IL19: variants seen among roughly 807,000 people sequenced by gnomAD.
IL19 encodes the protein interleukin 19.
IL19 carries 15 observed loss-of-function variants against 19.5 expected under a neutral mutation model. That is an observed-to-expected ratio of 0.77 (90% confidence interval 0.52 to 1.19). The LOEUF (loss-of-function observed/expected upper bound fraction) is 1.19. Ranked by LOEUF, IL19 falls within the 50% of genes most tolerant of loss-of-function variation. IL19 has a pLI of 0.00. For missense variants in IL19, 199 were observed against 213.1 expected, an observed-to-expected ratio of 0.93 and a Z score of 0.41; for synonymous variants, 78 against 78.3, an observed-to-expected ratio of 1.00 and a Z score of 0.02.
chr1:206,789,845 G>C (rs972100600), intron 1 of IL19, among the ~76,000 whole-genome samples: 1 of 152,266 alleles, frequency 6.6e-6, no homozygotes, highest in Admixed American at 6.5e-5. Flanking sequence ...TTCTGTTCCT[G>C]TGTTAGTTTG....
intron 1 of IL19, among the ~76,000 whole-genome samples, chr1:206,791,301 GTTT>G (rs11297961): frequency 1.4e-4 from 18 of 131,716 alleles, no homozygotes; most frequent in Admixed American, 3.7e-4. Context: ...AGGTCCTTAG[GTTT>G]TTTTTTTTTT....
intron 2 of IL19, among the ~76,000 whole-genome samples, chr1:206,803,829 A>G (rs1468572521): frequency 6.6e-6 from 1 of 152,188 alleles, no homozygotes; most frequent in Non-Finnish European, 1.5e-5. Context: ...AGAGATGCCC[A>G]GGCTTCATCC....
intron 1 of IL19, among the ~76,000 whole-genome samples, chr1:206,796,460 C>T (rs760327123): frequency 6.6e-6 from 1 of 152,158 alleles, no homozygotes; most frequent in Non-Finnish European, 1.5e-5. Flanking sequence ...TTTCACTTAC[C>T]ATTGTTTTTC....
At chr1:206,793,783 C>T (rs1201318786) in intron 1 of IL19, among the ~76,000 whole-genome samples, 5 of 152,200 alleles carry the variant, frequency 3.3e-5, no homozygotes, top group African/African-American at 7.2e-5. Context: ...AGTCATAGTT[C>T]GAGTGCTTGT....
At position 206,777,230 on chromosome 1, in the gene IL19, CAA is replaced by C. The variant is rs750939092; in HGVS notation, c.-149+6177_-149+6178del. ...TGGGCGACAGAGCGAGACTCCGTCTCAAAAAAAAAAAAAAAAAAAAAAAAAAT... is the reference window on the plus strand; with the variant it reads ...TGGGCGACAGAGCGAGACTCCGTCTCAAAAAAAAAAAAAAAAAAAAAAAAT... On this transcript the variant is annotated intron_variant, in intron 1 of 6. Transcript: ENST00000659997. 7.8e-3 allele frequency among the ~76,000 whole-genome samples: 48 copies of C among 6,174 alleles called. 2 individuals are homozygous for C. The highest frequency in any genetic ancestry group is 0.017 in the East Asian group (3 of 174). The allele number at this position is 6,174 out of a possible 152,430, so 4.1% of individuals were successfully genotyped here.
intron 5 of IL19, 138 bp downstream of exon 5, chr1:206,840,140 TGTGGAGAACC>T: frequency 5.2e-6 from 5 of 968,412 alleles, no homozygotes; most frequent in South Asian, 1.3e-5. Context: ...CAGGGAGAAC[TGTGGAGAACC>T]TCTCCCAGTG....
At chr1:206,791,077 T>C (rs1168454638) in intron 1 of IL19, among the ~76,000 whole-genome samples, 3 of 152,194 alleles carry the variant, frequency 2.0e-5, no homozygotes, top group Non-Finnish European at 4.4e-5. Context: ...CTGATCAAGA[T>C]ACGAAGATGG....
At chr1:206,795,621 A>T (rs991663387) in intron 1 of IL19, among the ~76,000 whole-genome samples, 2 of 152,128 alleles carry the variant, frequency 1.3e-5, no homozygotes, top group Admixed American at 6.5e-5. Context: ...CTTCTTCCTC[A>T]TTCTATGGAT....
chr1:206,830,825 C>A (rs1467646480), intron 2 of IL19, among the ~76,000 whole-genome samples: 1 of 152,318 alleles, frequency 6.6e-6, no homozygotes, highest in East Asian at 1.9e-4. Context: ...GATCCGCCCG[C>A]CTTGGCCTCC....
At chr1:206,805,914 A>G (rs1675833123) in intron 2 of IL19, among the ~76,000 whole-genome samples, 1 of 152,242 alleles carries the variant, frequency 6.6e-6, no homozygotes, top group African/African-American at 2.4e-5. Context: ...CACTTAATGA[A>G]GTCCAAGGGT....
chr1:206,812,321 T>C (rs1377403634), intron 2 of IL19, among the ~76,000 whole-genome samples: 2 of 152,204 alleles, frequency 1.3e-5, no homozygotes, highest in Non-Finnish European at 2.9e-5. Context: ...CTCTGTTGGT[T>C]TGGAGTCTTG....
intron 4 of IL19, 31 bp downstream of exon 4, chr1:206,837,054 T>C: frequency 6.4e-7 from 1 of 1,552,580 alleles, no homozygotes; most frequent in Non-Finnish European, 8.9e-7. Flanking sequence ...TTTCCAGTAT[T>C]TTTATCTTCA....
At chr1:206,836,100 G>C (rs1676785605) in intron 2 of IL19, among the ~76,000 whole-genome samples, 1 of 152,120 alleles carries the variant, frequency 6.6e-6, no homozygotes, top group Non-Finnish European at 1.5e-5. Flanking sequence ...GATGCCTTGT[G>C]CCTCCCTTTC....
intron 2 of IL19, among the ~76,000 whole-genome samples, chr1:206,832,009 C>T (rs1279413423): frequency 2.0e-5 from 3 of 152,366 alleles, no homozygotes; most frequent in African/African-American, 7.2e-5. Flanking sequence ...GGGCTCTGAG[C>T]TGCTATTCTC....
intron 1 of IL19, among the ~76,000 whole-genome samples, chr1:206,796,935 C>T (rs1675538115): frequency 6.6e-6 from 1 of 152,196 alleles, no homozygotes; most frequent in South Asian, 2.1e-4. Flanking sequence ...CTTTGTCCAG[C>T]CCAGGACTAC....
intron 2 of IL19, among the ~76,000 whole-genome samples, chr1:206,832,104 G>A (rs1315194310): frequency 1.3e-5 from 2 of 152,224 alleles, no homozygotes; most frequent in African/African-American, 2.4e-5. Flanking sequence ...CCCCTCTGGG[G>A]GAAACAAGGG....
intron 4 of IL19, among the ~76,000 whole-genome samples, chr1:206,839,234 G>C (rs937682670): frequency 6.6e-6 from 1 of 152,182 alleles, no homozygotes; most frequent in Non-Finnish European, 1.5e-5. Context: ...TGCAGCTGTC[G>C]GTCTCTCTTG....
At chr1:206,792,906 C>T (rs1046029120) in intron 1 of IL19, among the ~76,000 whole-genome samples, 3 of 152,172 alleles carry the variant, frequency 2.0e-5, no homozygotes, top group African/African-American at 7.2e-5. Context: ...CTCTGCTGTC[C>T]CTTAACAGAG....
intron 1 of IL19, among the ~76,000 whole-genome samples, chr1:206,792,301 C>CA (rs906061487): frequency 4.6e-5 from 7 of 152,224 alleles, no homozygotes; most frequent in Admixed American, 6.5e-5. Flanking sequence ...CCCAACCTGG[C>CA]ACGGCCTCAT....
Sources: allele counts gnomAD v4.1 joint callset (sites outside exome capture counted in the v4.1 genomes callset), GRCh38; gene constraint gnomAD v4.1.1; transcripts MANE v1.5; gene names NCBI Gene and HGNC (gene_info 2026-07-23, HGNC 2026-07-21).